EPC2: variants seen among roughly 807,000 people sequenced by gnomAD.
EPC2 encodes the protein enhancer of polycomb homolog 2.
In EPC2, 14 loss-of-function variants were observed where a neutral mutation model predicts 92.1. The observed-to-expected ratio is 0.15, with a 90% CI of 0.10 to 0.24. EPC2 has a LOEUF of 0.24. EPC2 is among the 10% of genes least tolerant of loss of function. The pLI, the probability that EPC2 is intolerant of heterozygous loss-of-function variation, is 1.00. For missense variants in EPC2, 755 were observed against 971.5 expected (o/e 0.78, Z 2.96); for synonymous variants, 340 against 334.7 (o/e 1.02, Z -0.17).
intron 8 of EPC2, among the ~76,000 whole-genome samples, chr2:148,770,185 G>A (rs987187901): frequency 6.6e-6 from 1 of 152,046 alleles, no homozygotes; most frequent in Non-Finnish European, 1.5e-5. Flanking sequence ...GATTACAGGC[G>A]CATACCACTA....
At chr2:148,646,808 A>G (rs948003914) in intron 1 of EPC2, among the ~76,000 whole-genome samples, 1 of 152,078 alleles carries the variant, frequency 6.6e-6, no homozygotes, top group African/African-American at 2.4e-5. Flanking sequence ...ATTATTTTAG[A>G]ACTTGAGTCA....
At chr2:148,731,956 G>A (rs187602842) in intron 2 of EPC2, among the ~76,000 whole-genome samples, 18 of 152,294 alleles carry the variant, frequency 1.2e-4, no homozygotes, top group Admixed American at 9.8e-4. Context: ...AAAGTACTGA[G>A]CTCATTGTTC....
chr2:148,646,418 T>C (rs527980957), intron 1 of EPC2, among the ~76,000 whole-genome samples: 1 of 152,166 alleles, frequency 6.6e-6, no homozygotes, highest in Non-Finnish European at 1.5e-5. Context: ...AAAATGCATA[T>C]GGCCGTAGCA....
chr2:148,720,348 G>A (rs930393038), intron 2 of EPC2, among the ~76,000 whole-genome samples: 3 of 152,184 alleles, frequency 2.0e-5, no homozygotes, highest in Non-Finnish European at 2.9e-5. Context: ...TCTCCCCACA[G>A]CCTATTGCTG....
At chr2:148,763,940 C>T (rs911251353) in intron 6 of EPC2, among the ~76,000 whole-genome samples, 6 of 152,292 alleles carry the variant, frequency 3.9e-5, no homozygotes, top group African/African-American at 1.4e-4. Flanking sequence ...AATAAATACT[C>T]AGCCTTCCTA....
chr2:148,685,927 A>T (rs1197064471), intron 1 of EPC2, among the ~76,000 whole-genome samples: 2 of 152,176 alleles, frequency 1.3e-5, no homozygotes, highest in African/African-American at 4.8e-5. Flanking sequence ...GGTTATTCAC[A>T]ATCTTTTTAC....
chr2:148,746,826 C>CAT, intron 3 of EPC2, among the ~76,000 whole-genome samples: 1 of 151,998 alleles, frequency 6.6e-6, no homozygotes, highest in East Asian at 1.9e-4. Flanking sequence ...ATTGTATACA[C>CAT]ACACACACAC....
intron 2 of EPC2, among the ~76,000 whole-genome samples, chr2:148,719,893 G>C (rs1682334289): frequency 6.6e-6 from 1 of 152,230 alleles, no homozygotes; most frequent in African/African-American, 2.4e-5. Flanking sequence ...TCCATCCCAG[G>C]GAGAAATTGG....
At chr2:148,785,345 C>G (rs539192877) in intron 13 of EPC2, among the ~76,000 whole-genome samples, 27 of 152,168 alleles carry the variant, frequency 1.8e-4, no homozygotes, top group African/African-American at 5.1e-4. Context: ...GCCCCACCCC[C>G]GAGATGGAGT....
At chr2:148,672,523 T>C (rs1311569207) in intron 1 of EPC2, among the ~76,000 whole-genome samples, 4 of 152,144 alleles carry the variant, frequency 2.6e-5, no homozygotes, top group Admixed American at 2.6e-4. Flanking sequence ...GTGATCATCA[T>C]GGGGATTACA....
At chr2:148,646,145 A>G (rs1041084975) in intron 1 of EPC2, among the ~76,000 whole-genome samples, 9 of 152,176 alleles carry the variant, frequency 5.9e-5, no homozygotes, top group Admixed American at 2.0e-4. Context: ...AATTTCTTCA[A>G]TGAACCTACA....
intron 1 of EPC2, among the ~76,000 whole-genome samples, chr2:148,684,813 C>T (rs1681480606): frequency 6.6e-6 from 1 of 152,196 alleles, no homozygotes; most frequent in African/African-American, 2.4e-5. Flanking sequence ...AGTAATTAAT[C>T]ACGTTGCTCT....
At chr2:148,777,557 T>A (rs1683671138) in intron 10 of EPC2, among the ~76,000 whole-genome samples, 1 of 152,070 alleles carries the variant, frequency 6.6e-6, no homozygotes, top group South Asian at 2.1e-4. Flanking sequence ...ATTTCCCATA[T>A]ACTCAAGAAT....
intron 1 of EPC2, among the ~76,000 whole-genome samples, chr2:148,688,783 A>C (rs1681582049): frequency 6.6e-6 from 1 of 152,190 alleles, no homozygotes; most frequent in Non-Finnish European, 1.5e-5. Flanking sequence ...CAGCTTCTAT[A>C]TTTTGGCCAT....
rs887311083 is a variant in EPC2, at chr2:148,705,007, T to C, written c.313+14634T>C. ...TGTATCTGTCAGCAAACCATCAGCT[T>C]CATATTTTATTTATTCCTCACACTT... is the stretch of plus-strand genomic sequence containing the variant. On this transcript the variant is annotated intron_variant, in intron 2 of 13. Transcript: ENST00000258484. Among the ~76,000 whole-genome samples, 9 of 152,192 alleles carry C rather than the reference T, an allele frequency of 5.9e-5. 1 individual carries two copies. The South Asian group carries it at 1.9e-3, about 32-fold the overall frequency.
chr2:148,751,215 A>T (rs2105414168), intron 3 of EPC2, among the ~76,000 whole-genome samples: 1 of 152,256 alleles, frequency 6.6e-6, no homozygotes, highest in Admixed American at 6.5e-5. Flanking sequence ...TATAAATTAG[A>T]ATACATTAAT....
intron 3 of EPC2, among the ~76,000 whole-genome samples, chr2:148,744,942 A>G (rs984129485): frequency 1.6e-5 from 2 of 126,342 alleles, no homozygotes; most frequent in African/African-American, 5.8e-5. Context: ...TCTTCAGAGC[A>G]TTTTCCTTTG....
intron 2 of EPC2, among the ~76,000 whole-genome samples, chr2:148,739,203 C>A (rs879405077): frequency 5.3e-5 from 8 of 152,198 alleles, no homozygotes; most frequent in Non-Finnish European, 8.8e-5. Flanking sequence ...ATAAATGTCT[C>A]CCCTAAACAG....
chr2:148,708,914 A>G (rs1263467840), intron 2 of EPC2, among the ~76,000 whole-genome samples: 1 of 152,194 alleles, frequency 6.6e-6, no homozygotes, highest in African/African-American at 2.4e-5. Context: ...AACTGGAAGT[A>G]TTCCCTTTAA....
Sources: gnomAD v4.1 joint callset for allele counts (sites outside exome capture counted in the v4.1 genomes callset) on GRCh38, gnomAD v4.1.1 for gene constraint, MANE v1.5 for transcripts, NCBI Gene and HGNC (gene_info 2026-07-23, HGNC 2026-07-21) for gene names.